Variants in SPOCK3 observed in about 807,000 individuals in gnomAD.
SPOCK3 encodes the protein SPARC (osteonectin), cwcv and kazal like domains proteoglycan 3.
A neutral mutation model predicts 56.6 loss-of-function variants in SPOCK3; 30 were observed. That is an observed-to-expected ratio of 0.53 (90% CI 0.40 to 0.72). The LOEUF (loss-of-function observed/expected upper bound fraction) is 0.72. Among genes scored for constraint, SPOCK3 ranks in the 30% least tolerant of loss-of-function variants. SPOCK3 has a pLI of 0.00. For synonymous variants in SPOCK3, 196 were observed against 183.3 expected (o/e 1.07, Z -0.56); for missense variants, 527 against 530.0 (o/e 0.99, Z 0.06).
chr4:167,055,968 G>A (rs180830374), intron 3 of SPOCK3, among the ~76,000 whole-genome samples: 2 of 152,322 alleles, frequency 1.3e-5, no homozygotes, highest in African/African-American at 4.8e-5. Context: ...CCAGCACGAA[G>A]CTGGAGATCT....
At position 167,000,337 on chromosome 4, in the gene SPOCK3, A is replaced by C. The variant is rs765313716; in HGVS notation, c.350+12T>G. 2.2e-6 allele frequency: 3 copies of C among 1,375,896 alleles called. No individual in the cohort carries two copies. Among genetic ancestry groups the C allele is most frequent in the Non-Finnish European group, 3.0e-6 (3 of 986,088 alleles). The allele number at this position is 1,375,896 out of a possible 1,614,324, so 85.2% of individuals were successfully genotyped here. ...CTGTTCAATCAGTGGGATTAAATTT[A>C]ACAATGTTTACCTGTGTGTAAGCCT... On this transcript the variant is annotated intron_variant, in intron 4 of 10. Coordinates refer to ENST00000357545, the MANE Select transcript of SPOCK3 (RefSeq NM_001040159.2).
At chr4:167,157,587 C>CCAAGAAAATGCTTGGTAA in intron 2 of SPOCK3, among the ~76,000 whole-genome samples, 1 of 150,530 alleles carries the variant, frequency 6.6e-6, no homozygotes, top group South Asian at 2.1e-4. Flanking sequence ...GAGACATTTA[C>CCAAGAAAATGCTTGGTAA]CAAGCATTTT....
In SPOCK3 at chr4:167,200,917, G is replaced by T. The variant is rs553867817; in HGVS notation, c.189+33068C>A. Among the ~76,000 whole-genome samples, 86 of 152,140 alleles carry T rather than the reference G, an allele frequency of 5.7e-4. No homozygotes were observed. The Middle Eastern group carries it at 0.034, about 60-fold the overall frequency. ...TCATCCCAAACACATCTCTTCAGCA[G>T]AAGCCACCCACTGTTGTGTATGCGG... On this transcript the variant is annotated intron_variant, in intron 2 of 10. Transcript: ENST00000357545.
chr4:167,049,859 T>TCCCACCATG (rs1422732601), intron 3 of SPOCK3, among the ~76,000 whole-genome samples: 1 of 152,166 alleles, frequency 6.6e-6, no homozygotes, highest in Non-Finnish European at 1.5e-5. Context: ...CCTGTGCCAT[T>TCCCACCATG]CCCACCATGT....
At chr4:166,740,830 T>C (rs1412234273) in intron 9 of SPOCK3, among the ~76,000 whole-genome samples, 1 of 152,120 alleles carries the variant, frequency 6.6e-6, no homozygotes, top group Non-Finnish European at 1.5e-5. Flanking sequence ...CCAGCCAGAA[T>C]GTATTATTTT....
intron 2 of SPOCK3, among the ~76,000 whole-genome samples, chr4:167,205,359 TATTATATATTTTATATATATAATA>T: frequency 8.1e-5 from 3 of 36,822 alleles, no homozygotes; most frequent in Non-Finnish European, 1.2e-4. Context: ...ATAATATATA[TATTATATATTTTATATATATAATA>T]TATATATTTT....
chr4:167,141,485 T>A (rs957939754), intron 2 of SPOCK3, among the ~76,000 whole-genome samples: 1 of 152,044 alleles, frequency 6.6e-6, no homozygotes, highest in Non-Finnish European at 1.5e-5. Context: ...AAATCTGGTG[T>A]CCAATTCAGC....
chr4:167,025,294 C>G (rs1421447524), intron 3 of SPOCK3, among the ~76,000 whole-genome samples: 1 of 151,786 alleles, frequency 6.6e-6, no homozygotes, highest in African/African-American at 2.4e-5. Flanking sequence ...TCAAATTCCC[C>G]CATTAACCAG....
chr4:166,971,176 G>A (rs536602610), intron 4 of SPOCK3, among the ~76,000 whole-genome samples: 1 of 152,276 alleles, frequency 6.6e-6, no homozygotes, highest in South Asian at 2.1e-4. Context: ...AAAGGTAAAA[G>A]GTTCATGAAT....
At chr4:167,143,310 G>A (rs1642826944) in intron 2 of SPOCK3, among the ~76,000 whole-genome samples, 5 of 151,934 alleles carry the variant, frequency 3.3e-5, no homozygotes, top group Admixed American at 3.3e-4. Flanking sequence ...AACTTGTAAA[G>A]TGGAAAGATT....
intron 2 of SPOCK3, among the ~76,000 whole-genome samples, chr4:167,221,100 C>A (rs565058614): frequency 1.3e-5 from 2 of 152,042 alleles, no homozygotes; most frequent in Non-Finnish European, 2.9e-5. Context: ...TGTGACACAC[C>A]TGTAACGCCA....
chr4:166,855,683 T>C (rs1730570160), intron 6 of SPOCK3, among the ~76,000 whole-genome samples: 1 of 152,256 alleles, frequency 6.6e-6, no homozygotes, highest in South Asian at 2.1e-4. Flanking sequence ...TTGTAGTTTA[T>C]GCATCATGTG....
intron 3 of SPOCK3, among the ~76,000 whole-genome samples, chr4:167,038,495 G>C (rs17052925): frequency 7.2e-5 from 11 of 151,728 alleles, no homozygotes; most frequent in African/African-American, 2.7e-4. Context: ...CACTCCACAC[G>C]TCCCAGAATC....
At chr4:166,971,444 T>C (rs1023280282) in intron 4 of SPOCK3, among the ~76,000 whole-genome samples, 1 of 151,074 alleles carries the variant, frequency 6.6e-6, no homozygotes, top group Non-Finnish European at 1.5e-5. Flanking sequence ...CTTACATTCA[T>C]GTCTGTGGCT....
chr4:167,065,795 CA>C (rs1756072064), intron 2 of SPOCK3, among the ~76,000 whole-genome samples: 2 of 151,856 alleles, frequency 1.3e-5, no homozygotes, highest in African/African-American at 4.8e-5. Flanking sequence ...TCTTTTGTTT[CA>C]AAACATTTGT....
intron 2 of SPOCK3, among the ~76,000 whole-genome samples, chr4:167,097,050 C>T (rs1237556872): frequency 6.6e-6 from 1 of 151,638 alleles, no homozygotes; most frequent in Non-Finnish European, 1.5e-5. Context: ...CTGAAGGTGA[C>T]TTTATCTAAA....
intron 2 of SPOCK3, among the ~76,000 whole-genome samples, chr4:167,151,399 G>A (rs940085699): frequency 2.0e-5 from 3 of 149,840 alleles, no homozygotes; most frequent in Admixed American, 1.3e-4. Flanking sequence ...ACTTTTTGTT[G>A]TTAGTGTTTT....
intron 3 of SPOCK3, among the ~76,000 whole-genome samples, chr4:167,053,531 T>G (rs1754438994): frequency 6.6e-6 from 1 of 151,334 alleles, no homozygotes. Context: ...CTAAAAATAC[T>G]AAAATTAGCC....
intron 2 of SPOCK3, among the ~76,000 whole-genome samples, chr4:167,076,706 C>T (rs548751786): frequency 2.4e-4 from 36 of 151,652 alleles, no homozygotes; most frequent in Non-Finnish European, 4.7e-4. Flanking sequence ...TACAAACTGC[C>T]TATTTTCTTA....
Sources: gnomAD v4.1 joint callset for allele counts (sites outside exome capture counted in the v4.1 genomes callset) on GRCh38, gnomAD v4.1.1 for gene constraint, MANE v1.5 for transcripts, NCBI Gene and HGNC (gene_info 2026-07-23, HGNC 2026-07-21) for gene names.